BLTP2: variants seen among roughly 807,000 people sequenced by gnomAD.
The protein encoded by BLTP2 is bridge-like lipid transfer protein family member 2.
the BLTP2 span, chr17:28,635,370 C>T: frequency 3.1e-6 from 5 of 1,614,222 alleles, no homozygotes; most frequent in Admixed American, 3.3e-5. Context: ...AAGCTGTGAG[C>T]TTGGCTGTGC....
chr17:28,614,891 A>G, the BLTP2 span: 4 of 665,402 alleles, frequency 6.0e-6, no homozygotes, highest in South Asian at 1.9e-5. Context: ...GACAGAACTC[A>G]GCATTACTGT....
chr17:28,626,339 T>A, the BLTP2 span, among the ~76,000 whole-genome samples: 1 of 152,232 alleles, frequency 6.6e-6, no homozygotes, highest in South Asian at 2.1e-4. Flanking sequence ...TTAGTTACTC[T>A]CTGTCTACTA....
chr17:28,642,902 C>G, the BLTP2 span: 3 of 1,608,230 alleles, frequency 1.9e-6, no homozygotes, highest in Non-Finnish European at 2.6e-6. Context: ...AAATCTGCTT[C>G]TACTGATCTG....
the BLTP2 span, chr17:28,635,063 C>T: frequency 6.2e-7 from 1 of 1,613,624 alleles, no homozygotes; most frequent in South Asian, 1.1e-5. Flanking sequence ...TGAACTCCCA[C>T]AGCCTCATCT....
chr17:28,624,240 T>C, the BLTP2 span: 1 of 1,614,040 alleles, frequency 6.2e-7, no homozygotes, highest in East Asian at 2.2e-5. Flanking sequence ...TACCTGACAG[T>C]TGACCAATTC....
At chr17:28,633,865 A>T in the BLTP2 span, 54 of 1,611,316 alleles carry the variant, frequency 3.4e-5, no homozygotes, top group African/African-American at 6.9e-4. Context: ...AACGTCCCTC[A>T]GCCAAACCAA....
the BLTP2 span, chr17:28,642,000 C>G: frequency 6.2e-7 from 1 of 1,614,224 alleles, no homozygotes; most frequent in Non-Finnish European, 8.5e-7. Flanking sequence ...ACAGTGATAG[C>G]AGTGAGATGC....
chr17:28,616,515 A>G, the BLTP2 span: 1 of 1,614,172 alleles, frequency 6.2e-7, no homozygotes, highest in Non-Finnish European at 8.5e-7. This position sits in a 1 kb window ranked among gnomAD's most constrained non-coding sequence, Gnocchi z 4.8. Context: ...TATTCCTATG[A>G]AAAAGCAAGT....
chr17:28,634,370 G>C, the BLTP2 span: 8 of 812,042 alleles, frequency 9.9e-6, no homozygotes, highest in South Asian at 5.2e-5. Context: ...CAGGAACAAA[G>C]AAAGGGAAGG....
the BLTP2 span, chr17:28,614,520 T>C: frequency 4.9e-6 from 1 of 204,440 alleles, no homozygotes. Flanking sequence ...CGGGGAAGGG[T>C]AGGGGACCCA....
the BLTP2 span, chr17:28,621,322 A>G: frequency 2.1e-6 from 3 of 1,431,956 alleles, no homozygotes; most frequent in Non-Finnish European, 3.0e-6. Flanking sequence ...GACGTTAAGA[A>G]TAGGTAGGGA....
At chr17:28,637,845 C>T in the BLTP2 span, 1 of 1,613,786 alleles carries the variant, frequency 6.2e-7, no homozygotes, top group South Asian at 1.1e-5. Context: ...CCAACCAAGG[C>T]AGAAAGGGTA....
the BLTP2 span, among the ~76,000 whole-genome samples, chr17:28,622,261 A>G: frequency 6.6e-6 from 1 of 152,212 alleles, no homozygotes; most frequent in Non-Finnish European, 1.5e-5. Flanking sequence ...GCTTGTCTGA[A>G]TGAACCACAG....
the BLTP2 span, chr17:28,635,009 A>T: frequency 1.2e-6 from 2 of 1,613,264 alleles, no homozygotes; most frequent in Non-Finnish European, 1.7e-6. Context: ...GGGCTTGGAG[A>T]GGCCCAAGCA....
chr17:28,624,443 T>G, the BLTP2 span: 31 of 1,538,566 alleles, frequency 2.0e-5, no homozygotes, highest in Non-Finnish European at 2.7e-5. Flanking sequence ...GGGAAAGACT[T>G]TTCCCTTTCC....
chr17:28,628,318 G>A, the BLTP2 span: 2 of 1,614,198 alleles, frequency 1.2e-6, no homozygotes, highest in Non-Finnish European at 1.7e-6. Context: ...GTTAACACGA[G>A]GTGGGGCTGA....
At chr17:28,619,948 C>T in the BLTP2 span, 1 of 1,614,122 alleles carries the variant, frequency 6.2e-7, no homozygotes, top group Non-Finnish European at 8.5e-7. Flanking sequence ...TATGCTGCTG[C>T]GTTGCTCCTC....
chr17:28,621,210 C>T, the BLTP2 span: 1 of 1,595,196 alleles, frequency 6.3e-7, no homozygotes, highest in East Asian at 2.2e-5. Flanking sequence ...AAGACATTCT[C>T]AATAAAGATA....
chr17:28,639,963 G>A, the BLTP2 span: 1 of 1,614,022 alleles, frequency 6.2e-7, no homozygotes, highest in Non-Finnish European at 8.5e-7. Context: ...GCTTCGAAGG[G>A]GCAGCTGATC....
Sources: gnomAD v4.1 joint callset for allele counts (sites outside exome capture counted in the v4.1 genomes callset) on GRCh38, gnomAD v4.1.1 for gene constraint, Gnocchi (gnomAD v3.1) non-coding constraint, MANE v1.5 for transcripts, NCBI Gene and HGNC (gene_info 2026-07-23, HGNC 2026-07-21) for gene names.